The following ADAMTS3 variants were observed in gnomAD, a reference collection of about 807,000 sequenced individuals.
ADAMTS3 encodes ADAM metallopeptidase with thrombospondin type 1 motif 3.
A neutral mutation model predicts 129.0 loss-of-function variants in ADAMTS3; 73 were observed. The observed-to-expected ratio is 0.57, with a 90% confidence interval of 0.47 to 0.69. The LOEUF (loss-of-function observed/expected upper bound fraction) is 0.69, where lower values mean the gene tolerates loss of function less well. Ranked by LOEUF, ADAMTS3 falls within the 30% of genes least tolerant of loss-of-function variation. The pLI, the probability that ADAMTS3 is intolerant of heterozygous loss-of-function variation, is 0.00. For synonymous variants in ADAMTS3, 477 were observed against 510.8 expected (o/e 0.93, Z 0.89); for missense variants, 1,457 against 1,514.5 (o/e 0.96, Z 0.63).
chr4:72,430,723 CTAAA>C (rs1722676754), intron 3 of ADAMTS3, among the ~76,000 whole-genome samples: 1 of 150,670 alleles, frequency 6.6e-6, no homozygotes, highest in African/African-American at 2.4e-5. Flanking sequence ...AGGATATCTA[CTAAA>C]TAAAGGAAAA....
intron 3 of ADAMTS3, among the ~76,000 whole-genome samples, chr4:72,504,721 T>C (rs1360611354): frequency 6.6e-6 from 1 of 152,188 alleles, no homozygotes; most frequent in Non-Finnish European, 1.5e-5. Flanking sequence ...TATGTTTGTA[T>C]GCTTTACAAG....
intron 3 of ADAMTS3, among the ~76,000 whole-genome samples, chr4:72,485,529 T>C (rs1719566705): frequency 6.6e-6 from 1 of 152,166 alleles, no homozygotes; most frequent in African/African-American, 2.4e-5. Context: ...TTAAAGATCA[T>C]TGGAAAAATA....
chr4:72,397,298 G>A (rs926304493), intron 4 of ADAMTS3, among the ~76,000 whole-genome samples: 1 of 152,144 alleles, frequency 6.6e-6, no homozygotes. Flanking sequence ...GGGCGCAGTG[G>A]CTCACACCGT....
chr4:72,560,443 A>G (rs1159289517), intron 2 of ADAMTS3, among the ~76,000 whole-genome samples: 1 of 152,190 alleles, frequency 6.6e-6, no homozygotes, highest in Non-Finnish European at 1.5e-5. Context: ...CCCAAACGCC[A>G]ATCAATGATA....
At chr4:72,375,272 A>G (rs59815559) in intron 4 of ADAMTS3, among the ~76,000 whole-genome samples, 5,259 of 152,214 alleles carry the variant, frequency 0.035, 285 homozygotes, top group African/African-American at 0.12. Flanking sequence ...GCCAGACTTT[A>G]CCACAAGGAA....
intron 3 of ADAMTS3, among the ~76,000 whole-genome samples, chr4:72,516,567 G>T (rs192533804): frequency 4.6e-5 from 7 of 152,160 alleles, no homozygotes; most frequent in African/African-American, 1.7e-4. Flanking sequence ...TTGTAAGTTG[G>T]ATTCCTAAGT....
In ADAMTS3 at chr4:72,555,606, T is replaced by C. The variant is rs146479765; in HGVS notation, c.98-6722A>G. 6.6e-4 allele frequency among the ~76,000 whole-genome samples: 100 copies of C among 152,048 alleles called. 1 individual carries two copies. The highest frequency in any genetic ancestry group is 2.3e-3 in the African/African-American group (97 of 41,284). ...AAATCTCTCTGGGAGAAGAGTTATA[T>C]GCTTATGTTTCATCCTTTCAGAAAC... On this transcript the variant is annotated intron_variant, in intron 2 of 21. Coordinates refer to ENST00000286657, the MANE Select transcript of ADAMTS3 (RefSeq NM_014243.3).
At chr4:72,286,383 A>C (rs1718506537) in intron 21 of ADAMTS3, among the ~76,000 whole-genome samples, 1 of 152,224 alleles carries the variant, frequency 6.6e-6, no homozygotes. Flanking sequence ...ATACTTTCCA[A>C]AGTAAAATGA....
intron 20 of ADAMTS3, among the ~76,000 whole-genome samples, chr4:72,290,049 C>T (rs2109770491): frequency 6.6e-6 from 1 of 152,248 alleles, no homozygotes; most frequent in South Asian, 2.1e-4. Context: ...TCTCCTATGA[C>T]CCCAAGATTT....
chr4:72,363,660 T>C (rs1720785998), intron 4 of ADAMTS3, among the ~76,000 whole-genome samples: 1 of 152,128 alleles, frequency 6.6e-6, no homozygotes, highest in Non-Finnish European at 1.5e-5. Flanking sequence ...GAATCTGTTA[T>C]GTAATAAACG....
intron 4 of ADAMTS3, among the ~76,000 whole-genome samples, chr4:72,401,521 C>T (rs773977105): frequency 9.9e-5 from 13 of 131,764 alleles, no homozygotes; most frequent in Admixed American, 2.6e-4. Context: ...GGGCTGAGAT[C>T]GCGCCACTGC....
chr4:72,408,054 G>A (rs1722094351), intron 4 of ADAMTS3, among the ~76,000 whole-genome samples: 1 of 152,050 alleles, frequency 6.6e-6, no homozygotes, highest in African/African-American at 2.4e-5. Flanking sequence ...CTAGTATCTA[G>A]AAAGAACAAA....
At chr4:72,362,861 C>T (rs534774014) in intron 4 of ADAMTS3, among the ~76,000 whole-genome samples, 37 of 152,040 alleles carry the variant, frequency 2.4e-4, no homozygotes, top group African/African-American at 8.2e-4. Context: ...CTGCCATATC[C>T]CAAGCCCAAA....
chr4:72,390,489 G>T (rs1721562742), intron 4 of ADAMTS3, among the ~76,000 whole-genome samples: 1 of 152,028 alleles, frequency 6.6e-6, no homozygotes, highest in African/African-American at 2.4e-5. Flanking sequence ...ATTCACTCAG[G>T]CAGACTACAT....
intron 3 of ADAMTS3, among the ~76,000 whole-genome samples, chr4:72,538,789 T>A (rs963441645): frequency 3.9e-5 from 6 of 152,008 alleles, no homozygotes; most frequent in African/African-American, 1.4e-4. Context: ...GTAATCAAAA[T>A]AAAGTTATAT....
In ADAMTS3 at chr4:72,548,758, G is replaced by A. The variant is rs755856560; in HGVS notation, c.224C>T (p.Ser75Phe). ...GTTAAAGAACAACTGCTCAGGGTTG[G>A]AAGACACGTCCCTCGCTGACCTCTT... ...HKKRSARDVS[S>F]NPEQLFFNIT... is the part of the protein sequence containing the mutation. Residue 75 changes from serine (S) to phenylalanine (F), a missense_variant, in exon 3 of 22, where the codon TCC (serine) becomes TTC (phenylalanine). Ser to Phe is a radical substitution (Grantham distance 155). Transcript: ENST00000286657. 1.2e-6 allele frequency: 2 copies of A among 1,613,970 alleles called. No homozygotes were observed. Among genetic ancestry groups the A allele is most frequent in the Non-Finnish European group, 1.7e-6 (2 of 1,179,900 alleles).
chr4:72,406,642 C>T (rs781089602), intron 4 of ADAMTS3, among the ~76,000 whole-genome samples: 4 of 152,152 alleles, frequency 2.6e-5, no homozygotes, highest in Non-Finnish European at 5.9e-5. Context: ...ACGAATGATG[C>T]TTTTATGTAC....
intron 3 of ADAMTS3, among the ~76,000 whole-genome samples, chr4:72,457,991 G>A (rs988097437): frequency 1.3e-5 from 2 of 151,348 alleles, no homozygotes; most frequent in Non-Finnish European, 3.0e-5. Flanking sequence ...GACAGCCCCT[G>A]GCACTGATTT....
At chr4:72,524,234 A>G (rs943758342) in intron 3 of ADAMTS3, among the ~76,000 whole-genome samples, 29 of 152,144 alleles carry the variant, frequency 1.9e-4, no homozygotes, top group Non-Finnish European at 2.6e-4. Flanking sequence ...AATTATGGGA[A>G]GGGAGGAAGA....
Sources: allele counts gnomAD v4.1 joint callset (sites outside exome capture counted in the v4.1 genomes callset), GRCh38; gene constraint gnomAD v4.1.1; transcripts MANE v1.5; gene names NCBI Gene and HGNC (gene_info 2026-07-23, HGNC 2026-07-21).